The following LRRK1 variants were observed in gnomAD, a reference collection of about 807,000 sequenced individuals.
The protein encoded by LRRK1 is leucine rich repeat kinase 1.
In LRRK1, 113 loss-of-function variants were observed where a neutral mutation model predicts 209.1. The observed-to-expected ratio is 0.54, with a 90% confidence interval of 0.46 to 0.63. LRRK1 has a LOEUF of 0.63. Among genes scored for constraint, LRRK1 ranks in the 30% least tolerant of loss-of-function variants. The pLI, the probability that LRRK1 is intolerant of heterozygous loss-of-function variation, is 0.00. For synonymous variants in LRRK1, 1,144 were observed against 1,099.7 expected, an observed-to-expected ratio of 1.04 and a Z score of -0.80; for missense variants, 2,284 against 2,632.2, an observed-to-expected ratio of 0.87 and a Z score of 2.89.
At chr15:101,000,412 C>A (rs1250815852) in intron 6 of LRRK1, among the ~76,000 whole-genome samples, 2 of 152,242 alleles carry the variant, frequency 1.3e-5, no homozygotes, top group African/African-American at 4.8e-5. Context: ...GTCCCAACCT[C>A]CCCTCTCTTC....
intron 21 of LRRK1, among the ~76,000 whole-genome samples, chr15:101,048,083 C>G (rs1183794023): frequency 4.1e-5 from 6 of 146,680 alleles, no homozygotes; most frequent in Admixed American, 1.4e-4. Flanking sequence ...CTGTTTTTCA[C>G]AAACATATGG....
intron 7 of LRRK1, 149 bp from the exon 8 acceptor site, chr15:101,010,301 T>C (rs575606840): frequency 2.5e-6 from 2 of 787,286 alleles, no homozygotes; most frequent in Admixed American, 6.2e-5. Context: ...GAATTAAAAA[T>C]CATATGCACT....
At chr15:100,973,097 G>T (rs1306895841) in intron 2 of LRRK1, among the ~76,000 whole-genome samples, 1 of 152,228 alleles carries the variant, frequency 6.6e-6, no homozygotes, top group Non-Finnish European at 1.5e-5. Context: ...CCCAGCGAGG[G>T]CTCGGCCTGC....
rs2035439548 is a variant in LRRK1, at chr15:101,051,573, G to A, written c.3440-138G>A. ...CACCCGAATGTGGCAGTGGGTTTCA[G>A]CCTGTCTCTTGGGTACAGGCCAGGA... On this transcript the variant is annotated intron_variant, in intron 23 of 33. Coordinates refer to ENST00000388948, the MANE Select transcript of LRRK1 (RefSeq NM_024652.6). The A allele has an allele frequency of 3.6e-6, 4 of 1,122,838 alleles. No homozygotes were observed. The African/African-American group carries it at 4.7e-5, about 13-fold the overall frequency. The allele number at this position is 1,122,838 out of a possible 1,614,324, so 69.6% of individuals were successfully genotyped here. A position where few individuals can be genotyped will look rare whatever the true frequency, so the allele number is the denominator to read the frequency against.
At chr15:101,054,863 CA>C (rs2035702682) in intron 26 of LRRK1, 82 bp from the exon 27 acceptor site, 2 of 1,223,666 alleles carry the variant, frequency 1.6e-6, no homozygotes, top group South Asian at 1.5e-5. Context: ...GATCGGAAGA[CA>C]AAAAGACAGT....
chr15:101,072,124 G>A lies in LRRK1; in HGVS notation c.*3276G>A, dbSNP rs139976663. 5.1e-4 allele frequency: 77 copies of A among 152,326 alleles called. No homozygotes were observed. Among genetic ancestry groups the A allele is most frequent in the African/African-American group, 1.8e-3 (75 of 41,580 alleles). 9.4% of individuals were successfully genotyped at this position (152,326 alleles called of 1,614,324 possible). On this transcript the variant is annotated 3_prime_UTR_variant, in exon 34 of 34. Transcript: ENST00000388948. The stretch of plus-strand genomic sequence containing the variant: ...TACAACTCACTTTGCTGAATGGAGG[G>A]TGGATTAACGAGGGGGTAGTTGGAG...
At chr15:101,010,106 G>A (rs1027505088) in intron 7 of LRRK1, among the ~76,000 whole-genome samples, 32 of 152,188 alleles carry the variant, frequency 2.1e-4, no homozygotes, top group African/African-American at 7.5e-4. Context: ...CTTCACCTGG[G>A]CCAGATGGAC....
At position 101,027,674 on chromosome 15, in the gene LRRK1, C is replaced by G; in HGVS notation, c.2563C>G (p.Leu855Val). The change falls in exon 19 of 34, where the codon CTG (leucine) becomes GTG (valine). Residue 855 changes from leucine to valine, a missense_variant. Coordinates refer to ENST00000388948, the MANE Select transcript of LRRK1 (RefSeq NM_024652.6). This position sits in a 1 kb window ranked among gnomAD's most constrained non-coding sequence, Gnocchi z 5.1. ...CTACCTGAGCCTGCAGGAGGCCGTG[C>G]TGGCAGAGCAGCAGCGCCGCAGCCG... ...RSYLSLQEAV[L>V]AEQQRRSRDD... The G allele has an allele frequency of 6.2e-7, 1 of 1,613,128 alleles. No homozygotes were observed. Among genetic ancestry groups the G allele is most frequent in the Non-Finnish European group, 8.5e-7 (1 of 1,179,710 alleles).
At chr15:100,927,453 C>T (rs1224937635) in intron 2 of LRRK1, among the ~76,000 whole-genome samples, 1 of 152,178 alleles carries the variant, frequency 6.6e-6, no homozygotes, top group Non-Finnish European at 1.5e-5. Flanking sequence ...CCTGCTATCC[C>T]TGTTCTGTAT....
At chr15:100,948,539 C>T (rs772121115) in intron 2 of LRRK1, among the ~76,000 whole-genome samples, 4 of 152,004 alleles carry the variant, frequency 2.6e-5, no homozygotes, top group East Asian at 1.9e-4. Flanking sequence ...TTTTCTAAGT[C>T]GCCATTTGTC....
intron 4 of LRRK1, among the ~76,000 whole-genome samples, chr15:100,987,180 C>T (rs1249943231): frequency 2.6e-5 from 4 of 152,180 alleles, no homozygotes; most frequent in Non-Finnish European, 5.9e-5. Context: ...CCCTATGCTA[C>T]ATGCTTTATT....
At chr15:101,012,284 A>G in intron 10 of LRRK1, 139 bp downstream of exon 10, 1 of 838,246 alleles carries the variant, frequency 1.2e-6, no homozygotes. Context: ...TCAGCTATCA[A>G]AAATATGCAT....
intron 2 of LRRK1, among the ~76,000 whole-genome samples, chr15:100,951,089 T>C (rs35546000): frequency 0.1 from 15,457 of 152,004 alleles, 833 homozygotes; most frequent in Non-Finnish European, 0.13. Context: ...GGCTACAGAG[T>C]GAGACTCCGT....
intron 2 of LRRK1, among the ~76,000 whole-genome samples, chr15:100,936,584 G>A (rs1247822706): frequency 1.3e-5 from 2 of 152,224 alleles, no homozygotes; most frequent in Non-Finnish European, 2.9e-5. Context: ...AGGGCTGGAT[G>A]GGGCTGGGTT....
Position 101,022,378 on chromosome 15 carries a change from C to T in LRRK1, c.1853-5C>T. On this transcript the variant is annotated splice_region_variant and splice_polypyrimidine_tract_variant and intron_variant, in intron 14 of 33. Transcript: ENST00000388948. The surrounding 1 kb of genome is among the most constrained non-coding windows in gnomAD (Gnocchi z 4.0). ...GCTACCCTTCCCCTTAATGATTTTG[C>T]ACAGGCCCCAAAGCAATGCTGTCTT... 6.2e-7 allele frequency: 1 copy of T among 1,613,842 alleles called. No individual in the cohort carries two copies. Among genetic ancestry groups the T allele is most frequent in the Non-Finnish European group, 8.5e-7 (1 of 1,179,700 alleles).
rs1290143171 is a variant in LRRK1, at chr15:101,051,731, G to A, written c.3460G>A (p.Asp1154Asn). ...TTTAGCCCTGACAGCCACAGAGAGC[G>A]ACGGGACGCCACTCATGGAGCAGTA... ...WFPALTATES[D>N]GTPLMEQYVP... The change falls in exon 24 of 34, where the codon GAC (aspartate) becomes AAC (asparagine). Residue 1154 changes from aspartate to asparagine, a missense_variant. Around this residue, in one of 6 missense-constraint regions of LRRK1, gnomAD observed 780 missense variants for 985.2 expected, o/e 0.79. Coordinates refer to ENST00000388948, the MANE Select transcript of LRRK1 (RefSeq NM_024652.6). The A allele has an allele frequency of 3.7e-6, 6 of 1,613,732 alleles. No individual in the cohort carries two copies. The highest frequency in any genetic ancestry group is 5.1e-6 in the Non-Finnish European group (6 of 1,180,006).
At chr15:100,922,748 T>A (rs897037413) in intron 1 of LRRK1, among the ~76,000 whole-genome samples, 3 of 152,222 alleles carry the variant, frequency 2.0e-5, no homozygotes, top group Non-Finnish European at 4.4e-5. Context: ...GATTGATCGT[T>A]TTTCCTTTCC....
At position 101,008,894 on chromosome 15, in the gene LRRK1, A is replaced by G. The variant is rs752048498; in HGVS notation, c.820A>G (p.Ile274Val). The G allele has an allele frequency of 1.9e-6, 3 of 1,614,108 alleles. No individual in the cohort carries two copies. Among genetic ancestry groups the G allele is most frequent in the African/African-American group, 1.3e-5 (1 of 74,946 alleles). ...GCCCTGGGTAGACCTAGACTGGCTC[A>G]TAGACATCTCCTGCCAGATCACGGA... ...RLPWVDLDWL[I>V]DISCQITELD... is the part of the protein sequence containing the mutation. The change falls in exon 7 of 34, where the codon ATA (isoleucine) becomes GTA (valine). Residue 274 changes from isoleucine (I) to valine (V), a missense_variant. Around this residue, in one of 6 missense-constraint regions of LRRK1, gnomAD observed 494 missense variants for 522.1 expected, o/e 0.95. Coordinates refer to ENST00000388948, the MANE Select transcript of LRRK1 (RefSeq NM_024652.6).
rs1317258499 is a variant in LRRK1 at position 100,919,784 on chromosome 15, G to C, written c.-123+333G>C. Among the ~76,000 whole-genome samples, 2 of 152,126 alleles carry C rather than the reference G, an allele frequency of 1.3e-5. No individual in the cohort carries two copies. The highest frequency in any genetic ancestry group is 3.9e-4 in the East Asian group (2 of 5,190). On this transcript the variant is annotated intron_variant, in intron 1 of 33. Coordinates refer to ENST00000388948, the MANE Select transcript of LRRK1 (RefSeq NM_024652.6). This position sits in a 1 kb window ranked among gnomAD's most constrained non-coding sequence, Gnocchi z 5.8. ...GTCCGGGCAGGGTCGGGAAAGCTGG[G>C]AAGCGGAGGCAAGAGACACGAGTCG...
Sources: allele counts gnomAD v4.1 joint callset (sites outside exome capture counted in the v4.1 genomes callset), GRCh38; gene constraint gnomAD v4.1.1; regional missense constraint gnomAD v4.1.1; non-coding constraint Gnocchi (gnomAD v3.1); transcripts MANE v1.5; gene names NCBI Gene and HGNC (gene_info 2026-07-23, HGNC 2026-07-21).